Variants in TRIT1 observed in about 807,000 individuals in gnomAD.
TRIT1 encodes the protein tRNA isopentenyltransferase 1, also known as tRNA dimethylallyltransferase.
TRIT1 carries 43 observed loss-of-function variants against 51.2 expected under a neutral mutation model. The ratio of observed to expected loss-of-function variants is 0.84; its 90% confidence interval spans 0.66 to 1.08. TRIT1 has a LOEUF of 1.08. Among genes scored for constraint, TRIT1 ranks in the 50% least tolerant of loss-of-function variants. The probability of loss-of-function intolerance (pLI) is 0.00; values close to 1 mark genes in which losing one functional copy is unlikely to be tolerated. For missense variants in TRIT1, 528 were observed against 578.4 expected (o/e 0.91, Z 0.89); for synonymous variants, 184 against 203.9 (o/e 0.90, Z 0.83).
At chr1:39,875,369 T>C (rs188253684) in intron 1 of TRIT1, among the ~76,000 whole-genome samples, 30 of 152,102 alleles carry the variant, frequency 2.0e-4, no homozygotes, top group African/African-American at 7.0e-4. Context: ...GCGTCTGTAA[T>C]CCCAGCTACT....
intron 2 of TRIT1, among the ~76,000 whole-genome samples, chr1:39,854,745 G>C (rs188184606): frequency 6.8e-4 from 103 of 152,230 alleles, no homozygotes; most frequent in Admixed American, 1.2e-3. Flanking sequence ...ATTTACTATA[G>C]CCACTATTGT....
intron 1 of TRIT1, among the ~76,000 whole-genome samples, chr1:39,867,077 G>A (rs530447006): frequency 6.6e-6 from 1 of 152,352 alleles, no homozygotes; most frequent in East Asian, 1.9e-4. Context: ...GCAGATTATG[G>A]CTTTTATTCT....
In TRIT1 at chr1:39,850,181, G is replaced by C; in HGVS notation, c.641C>G (p.Pro214Arg). ...HRQHTEEGGG[P>R]LGGPLKFSNP... The stretch of plus-strand genomic sequence containing the variant: ...AGAGAACTTCAGAGGACCTCCAAGG[G>C]GACCACCACCTTCTTCCGTATGTTG... Residue 214 changes from proline (P) to arginine (R), a missense_variant, in exon 5 of 11, where the codon CCC (proline) becomes CGC (arginine). Physicochemically the swap from Pro to Arg is moderately radical, Grantham distance 103 (BLOSUM62 -2). Around this residue, in one of 3 missense-constraint regions of TRIT1, gnomAD observed 468 missense variants for 522.6 expected, o/e 0.90. Coordinates refer to ENST00000316891, the MANE Select transcript of TRIT1 (RefSeq NM_017646.6). 6.2e-7 allele frequency: 1 copy of C among 1,614,080 alleles called. No individual in the cohort carries two copies. Among genetic ancestry groups the C allele is most frequent in the South Asian group, 1.1e-5 (1 of 91,080 alleles).
chr1:39,868,990 G>A (rs1459067707), intron 1 of TRIT1, among the ~76,000 whole-genome samples: 1 of 152,124 alleles, frequency 6.6e-6, no homozygotes, highest in African/African-American at 2.4e-5. Context: ...AACCGATGAG[G>A]CAGAGGTTGC....
At chr1:39,865,542 C>CA (rs1294908823) in intron 1 of TRIT1, among the ~76,000 whole-genome samples, 1 of 151,828 alleles carries the variant, frequency 6.6e-6, no homozygotes, top group Non-Finnish European at 1.5e-5. Flanking sequence ...AAGTGGTTAA[C>CA]AGTAAGGATT....
intron 1 of TRIT1, among the ~76,000 whole-genome samples, chr1:39,873,089 ATTC>A (rs1179289133): frequency 6.6e-6 from 1 of 152,178 alleles, no homozygotes; most frequent in Admixed American, 6.6e-5. Context: ...TTCTCCTTCT[ATTC>A]AGTGTGGGCC....
At chr1:39,880,268 T>TAAAAAAAACAAA (rs1644214294) in intron 1 of TRIT1, among the ~76,000 whole-genome samples, 1 of 94,890 alleles carries the variant, frequency 1.1e-5, no homozygotes, top group Non-Finnish European at 2.1e-5. Flanking sequence ...AGACCTCAAA[T>TAAAAAAAACAAA]AAAAAAAAAA....
chr1:39,877,033 A>C (rs1011690404), intron 1 of TRIT1, among the ~76,000 whole-genome samples: 11 of 150,640 alleles, frequency 7.3e-5, no homozygotes, highest in African/African-American at 9.7e-5. Flanking sequence ...AAAAAAAAAA[A>C]AAAAAAAAAA....
At chr1:39,867,253 C>A (rs1324388598) in intron 1 of TRIT1, among the ~76,000 whole-genome samples, 4 of 152,198 alleles carry the variant, frequency 2.6e-5, no homozygotes, top group African/African-American at 9.7e-5. Context: ...TCAAGTGATT[C>A]TCCTGCCTCA....
At position 39,848,008 on chromosome 1, in the gene TRIT1, G is replaced by A; in HGVS notation, c.793C>T (p.Gln265Ter). Residue 265 changes from glutamine (Q) to a stop codon, truncating the protein, a stop_gained, in exon 6 of 11, where the codon CAG becomes TAG. Coordinates refer to ENST00000316891, the MANE Select transcript of TRIT1 (RefSeq NM_017646.6). LOFTEE classifies it high-confidence loss of function. ...CACCTATTTTCCGAAACATTCTTCT[G>A]ATTATAGCGTCTGTGAAAATCTCTT... ...ELRDFHRRYN[Q>*]KNVSENSQDY... is the part of the protein sequence containing the mutation. The A allele has an allele frequency of 6.2e-7, 1 of 1,614,056 alleles. No individual in the cohort carries two copies. Among genetic ancestry groups the A allele is most frequent in the Non-Finnish European group, 8.5e-7 (1 of 1,179,972 alleles).
intron 1 of TRIT1, among the ~76,000 whole-genome samples, chr1:39,867,201 A>G (rs1643603818): frequency 6.6e-6 from 1 of 152,126 alleles, no homozygotes; most frequent in Admixed American, 6.6e-5. Flanking sequence ...GCTGAAGTGC[A>G]GTGGCACAAT....
At position 39,847,340 on chromosome 1, in the gene TRIT1, C is replaced by T. The variant is rs538947054; in HGVS notation, c.929-43G>A. 3 of 1,591,548 alleles carry T rather than the reference C, an allele frequency of 1.9e-6. No homozygotes were observed. In the South Asian group the frequency reaches 3.3e-5, roughly 18 times the overall value. On this transcript the variant is annotated intron_variant, in intron 7 of 10. Coordinates refer to ENST00000316891, the MANE Select transcript of TRIT1 (RefSeq NM_017646.6). ...TTTAAGAACATCTAGGTAAGCACTC[C>T]TTACCCTGCAGAGAGGCAGGCCCTC... is the stretch of plus-strand genomic sequence containing the variant.
chr1:39,841,082 A>G lies in TRIT1; in HGVS notation c.*662T>C, dbSNP rs1029862095. 1 of 152,220 alleles carries G rather than the reference A, an allele frequency of 6.6e-6. No individual in the cohort carries two copies. Among genetic ancestry groups the G allele is most frequent in the Non-Finnish European group, 1.5e-5 (1 of 68,014 alleles). The allele number at this position is 152,220 out of a possible 1,614,324, so 9.4% of individuals were successfully genotyped here. On this transcript the variant is annotated 3_prime_UTR_variant, in exon 11 of 11. Transcript: ENST00000316891. ...AAATTTTTTCTTTATTTAAACTTCA[A>G]TAAAAATATAGATTTGTAACTCAAT...
intron 1 of TRIT1, among the ~76,000 whole-genome samples, chr1:39,868,950 G>A (rs936904927): frequency 6.6e-6 from 1 of 151,174 alleles, no homozygotes; most frequent in African/African-American, 2.4e-5. Flanking sequence ...ATCCCAGCTA[G>A]TCGGGAGGCT....
At chr1:39,860,592 T>A (rs1045111966) in intron 1 of TRIT1, among the ~76,000 whole-genome samples, 1 of 152,156 alleles carries the variant, frequency 6.6e-6, no homozygotes, top group African/African-American at 2.4e-5. Context: ...CCACAGTACA[T>A]TAAAGTACAA....
intron 1 of TRIT1, among the ~76,000 whole-genome samples, chr1:39,872,374 C>T (rs887732991): frequency 1.3e-5 from 2 of 151,966 alleles, no homozygotes; most frequent in African/African-American, 4.8e-5. Context: ...TGTTACTACT[C>T]GATACTGTAA....
chr1:39,844,624 G>T lies in TRIT1; in HGVS notation c.1023C>A (p.Val341=), dbSNP rs774397936. 2 of 1,613,114 alleles carry T rather than the reference G, an allele frequency of 1.2e-6. No individual in the cohort carries two copies. The highest frequency in any genetic ancestry group is 1.3e-5 in the African/African-American group (1 of 74,900). The change falls in exon 9 of 11, where the codon GTC becomes GTA. Residue 341 remains valine, a synonymous_variant. Transcript: ENST00000316891. ...NRFLSRPGPI[V]PPVYGLEVSD... Reference sequence around the variant, plus strand: ...ATACCTCTAAGCCATAGACAGGGGGGACAATGGGACCAGGTCCTAATGATG... The same window carrying T: ...ATACCTCTAAGCCATAGACAGGGGGTACAATGGGACCAGGTCCTAATGATG...
chr1:39,861,660 G>A (rs1024714767), intron 1 of TRIT1, among the ~76,000 whole-genome samples: 1 of 152,022 alleles, frequency 6.6e-6, no homozygotes, highest in African/African-American at 2.4e-5. Flanking sequence ...GCGGTGGGTC[G>A]TGCCTATAAT....
chr1:39,848,961 A>C (rs1319277807), intron 5 of TRIT1, among the ~76,000 whole-genome samples: 1 of 152,136 alleles, frequency 6.6e-6, no homozygotes, highest in East Asian at 1.9e-4. Flanking sequence ...TGCTGCCTGT[A>C]GAGTAAAAGT....
Sources: gnomAD v4.1 joint callset for allele counts (sites outside exome capture counted in the v4.1 genomes callset) on GRCh38, gnomAD v4.1.1 for gene constraint, gnomAD v4.1.1 regional missense constraint, MANE v1.5 for transcripts, NCBI Gene and HGNC (gene_info 2026-07-23, HGNC 2026-07-21) for gene names.